The following PDE4B variants were observed in gnomAD, a reference collection of about 807,000 sequenced individuals.
PDE4B encodes 3',5'-cyclic-AMP phosphodiesterase 4B.
A neutral mutation model predicts 82.2 loss-of-function variants in PDE4B; 20 were observed. The observed-to-expected ratio is 0.24, with a 90% CI of 0.17 to 0.35. The LOEUF (loss-of-function observed/expected upper bound fraction) is 0.35. Among genes scored for constraint, PDE4B ranks in the 10% least tolerant of loss-of-function variants. The pLI, the probability that PDE4B is intolerant of heterozygous loss-of-function variation, is 1.00. For missense variants in PDE4B, 655 were observed against 907.2 expected, an observed-to-expected ratio of 0.72 and a Z score of 3.57; for synonymous variants, 320 against 318.9, an observed-to-expected ratio of 1.00 and a Z score of -0.04.
chr1:65,984,789 T>A (rs1164225995), intron 3 of PDE4B, among the ~76,000 whole-genome samples: 1 of 152,084 alleles, frequency 6.6e-6, no homozygotes, highest in African/African-American at 2.4e-5. Flanking sequence ...ATATATATGT[T>A]ATCTTTAAAA....
chr1:66,018,556 C>T (rs151078888), intron 3 of PDE4B, among the ~76,000 whole-genome samples: 2 of 152,062 alleles, frequency 1.3e-5, no homozygotes, highest in East Asian at 3.9e-4. Flanking sequence ...TATCAAAGGA[C>T]AATTCCAATA....
At chr1:66,262,891 A>G (rs2101720838) in intron 6 of PDE4B, among the ~76,000 whole-genome samples, 1 of 152,326 alleles carries the variant, frequency 6.6e-6, no homozygotes, top group Middle Eastern at 3.4e-3. Context: ...CCAAGAAGTC[A>G]TTGAGAGAAT....
At chr1:66,168,658 G>GT (rs1438726760) in intron 3 of PDE4B, among the ~76,000 whole-genome samples, 32 of 152,204 alleles carry the variant, frequency 2.1e-4, no homozygotes, top group Non-Finnish European at 8.8e-5. Context: ...ATTGTGAATA[G>GT]AAGGGAGGCC....
chr1:65,878,147 T>G (rs1256659672), intron 1 of PDE4B, among the ~76,000 whole-genome samples: 1 of 152,194 alleles, frequency 6.6e-6, no homozygotes, highest in Non-Finnish European at 1.5e-5. Flanking sequence ...TTATCATTGG[T>G]CATTAGATAA....
chr1:66,168,714 AT>A (rs768366759), intron 3 of PDE4B, among the ~76,000 whole-genome samples: 35 of 152,344 alleles, frequency 2.3e-4, no homozygotes, highest in Non-Finnish European at 4.3e-4. Context: ...CCTGAGTTAC[AT>A]TTCTAAAGAG....
At chr1:66,051,139 A>G (rs566262702) in intron 3 of PDE4B, among the ~76,000 whole-genome samples, 1 of 152,224 alleles carries the variant, frequency 6.6e-6, no homozygotes, top group South Asian at 2.1e-4. Context: ...AGTCTCTCTT[A>G]TGGCACATGT....
chr1:66,000,914 G>T (rs1651830877), intron 3 of PDE4B, among the ~76,000 whole-genome samples: 1 of 152,128 alleles, frequency 6.6e-6, no homozygotes, highest in South Asian at 2.1e-4. Context: ...AAAAGAGGGT[G>T]GTGATGATCT....
chr1:66,110,899 G>A (rs1417859246), intron 3 of PDE4B, among the ~76,000 whole-genome samples: 1 of 151,508 alleles, frequency 6.6e-6, no homozygotes, highest in Non-Finnish European at 1.5e-5. Flanking sequence ...AATTGGCTGG[G>A]AGCTTGTAGA....
intron 3 of PDE4B, among the ~76,000 whole-genome samples, chr1:65,926,092 A>T (rs931636841): frequency 6.6e-6 from 1 of 152,200 alleles, no homozygotes; most frequent in Non-Finnish European, 1.5e-5. Flanking sequence ...CTTTGATTAC[A>T]GTTCCCCCTT....
intron 3 of PDE4B, among the ~76,000 whole-genome samples, chr1:66,097,885 A>G (rs1467394659): frequency 7.6e-6 from 1 of 132,248 alleles, no homozygotes; most frequent in South Asian, 2.3e-4. Context: ...TGTATTTTTT[A>G]AAGTGGTGAT....
At chr1:65,851,505 C>T (rs1646333108) in intron 1 of PDE4B, among the ~76,000 whole-genome samples, 1 of 151,814 alleles carries the variant, frequency 6.6e-6, no homozygotes, top group African/African-American at 2.4e-5. Context: ...TCTTTCTTTC[C>T]ACAGTGTTTT....
chr1:65,899,572 C>G (rs1375488252), intron 1 of PDE4B, among the ~76,000 whole-genome samples: 1 of 144,362 alleles, frequency 6.9e-6, no homozygotes, highest in East Asian at 2.0e-4. Context: ...GAACCAACCT[C>G]AATGCCCATC....
At chr1:65,825,719 T>TATC (rs1195449831) in intron 1 of PDE4B, among the ~76,000 whole-genome samples, 1 of 150,392 alleles carries the variant, frequency 6.6e-6, no homozygotes, top group Non-Finnish European at 1.5e-5. Context: ...TCTATCTATC[T>TATC]ATCTATCTAT....
chr1:66,029,176 G>A lies in PDE4B; in HGVS notation c.281+110341G>A, dbSNP rs1653621880. On this transcript the variant is annotated intron_variant, in intron 3 of 16. Coordinates refer to ENST00000341517, the MANE Select transcript of PDE4B (RefSeq NM_002600.4). ...GGAGGTGAAAGGCACTTCTTACATAGTGGTGGCAAGAGAAAAATAAGGAAG... is the reference window on the plus strand; with the variant it reads ...GGAGGTGAAAGGCACTTCTTACATAATGGTGGCAAGAGAAAAATAAGGAAG... Among the ~76,000 whole-genome samples the A allele has an allele frequency of 2.0e-5, 3 of 152,296 alleles. No individual in the cohort carries two copies. The South Asian group carries it at 6.2e-4, about 32-fold the overall frequency.
At chr1:65,868,714 G>A (rs754325950) in intron 1 of PDE4B, among the ~76,000 whole-genome samples, 2 of 152,202 alleles carry the variant, frequency 1.3e-5, no homozygotes, top group African/African-American at 2.4e-5. Context: ...ATTGGGCCAC[G>A]CAGCCGCAGG....
At chr1:65,838,551 ATATATATGTATATG>A (rs1347911480) in intron 1 of PDE4B, among the ~76,000 whole-genome samples, 3 of 145,752 alleles carry the variant, frequency 2.1e-5, no homozygotes, top group African/African-American at 5.2e-5. Context: ...GTATATATGT[ATATATATGTATATG>A]TATATATGTA....
chr1:66,371,282 G>T (rs1194025254), intron 16 of PDE4B, among the ~76,000 whole-genome samples: 1 of 150,342 alleles, frequency 6.7e-6, no homozygotes, highest in Non-Finnish European at 1.5e-5. Context: ...CCCATGGGTG[G>T]GTGCCCTTTG....
At chr1:65,895,549 CAAAAAAAAA>C (rs10605148) in intron 1 of PDE4B, among the ~76,000 whole-genome samples, 3 of 91,998 alleles carry the variant, frequency 3.3e-5, no homozygotes, top group African/African-American at 1.4e-4. Flanking sequence ...GACACTGTCT[CAAAAAAAAA>C]AAAAAAAAAA....
At chr1:66,190,149 G>A (rs1046769371) in intron 3 of PDE4B, among the ~76,000 whole-genome samples, 1 of 152,142 alleles carries the variant, frequency 6.6e-6, no homozygotes, top group Non-Finnish European at 1.5e-5. Context: ...CAGAACAGCT[G>A]ATATTGGTGA....
Sources: allele counts gnomAD v4.1 joint callset (sites outside exome capture counted in the v4.1 genomes callset), GRCh38; gene constraint gnomAD v4.1.1; transcripts MANE v1.5; gene names NCBI Gene and HGNC (gene_info 2026-07-23, HGNC 2026-07-21).